Variants in PTPRD observed in about 807,000 individuals in gnomAD.
The protein encoded by PTPRD is receptor-type tyrosine-protein phosphatase delta.
In PTPRD, 34 loss-of-function variants were observed where a neutral mutation model predicts 214.5. The observed-to-expected ratio is 0.16, with a 90% CI of 0.12 to 0.21. The LOEUF (loss-of-function observed/expected upper bound fraction) is 0.21. Among genes scored for constraint, PTPRD ranks in the 10% least tolerant of loss-of-function variants. PTPRD has a pLI of 1.00. For synonymous variants in PTPRD, 1,128 were observed against 845.7 expected (o/e 1.33, Z -5.79); for missense variants, 2,545 against 2,398.7 (o/e 1.06, Z -1.27).
intron 9 of PTPRD, among the ~76,000 whole-genome samples, chr9:9,366,970 A>C (rs539917355): frequency 1.3e-5 from 2 of 151,600 alleles, no homozygotes. Flanking sequence ...AAAATTACAA[A>C]ATGTCCTGCG....
At chr9:10,033,359 G>A (rs183173322) in intron 4 of PTPRD, among the ~76,000 whole-genome samples, 2 of 151,828 alleles carry the variant, frequency 1.3e-5, no homozygotes, top group African/African-American at 4.8e-5. Context: ...CATAGCTTCA[G>A]ATCTCTTCGT....
intron 5 of PTPRD, among the ~76,000 whole-genome samples, chr9:9,839,311 T>C (rs2057694597): frequency 6.6e-6 from 1 of 152,082 alleles, no homozygotes; most frequent in African/African-American, 2.4e-5. Context: ...CCCCATTGTC[T>C]CAGCCCAAAA....
chr9:9,194,056 T>C (rs1412222345), intron 9 of PTPRD, among the ~76,000 whole-genome samples: 1 of 152,146 alleles, frequency 6.6e-6, no homozygotes, highest in African/African-American at 2.4e-5. Context: ...ATAATCTTTA[T>C]ACTTTAAAAA....
chr9:10,287,610 A>G (rs1345529069), intron 3 of PTPRD, among the ~76,000 whole-genome samples: 2 of 152,068 alleles, frequency 1.3e-5, no homozygotes, highest in African/African-American at 2.4e-5. Flanking sequence ...CAATAACACA[A>G]GCTCAACCAG....
intron 7 of PTPRD, among the ~76,000 whole-genome samples, chr9:9,576,688 T>C (rs772870897): frequency 6.6e-6 from 1 of 152,182 alleles, no homozygotes; most frequent in Non-Finnish European, 1.5e-5. Flanking sequence ...AATATTACCA[T>C]TGTAGAATAA....
At chr9:9,218,829 A>G (rs1341926307) in intron 9 of PTPRD, among the ~76,000 whole-genome samples, 1 of 152,078 alleles carries the variant, frequency 6.6e-6, no homozygotes, top group Non-Finnish European at 1.5e-5. Flanking sequence ...AAAAAACACT[A>G]CCAGACAATC....
chr9:8,684,043 C>A (rs2097614550), intron 12 of PTPRD, among the ~76,000 whole-genome samples: 4 of 152,104 alleles, frequency 2.6e-5, no homozygotes. Flanking sequence ...AGCTACCCAC[C>A]CCTCCTTAGA....
intron 5 of PTPRD, among the ~76,000 whole-genome samples, chr9:9,797,738 C>CG (rs368330953): frequency 0.092 from 13,870 of 150,854 alleles, 760 homozygotes; most frequent in African/African-American, 0.15. Context: ...CCCAGCTACT[C>CG]GGGGGGGGCT....
chr9:10,429,287 G>T (rs940387875), intron 2 of PTPRD, among the ~76,000 whole-genome samples: 2 of 151,822 alleles, frequency 1.3e-5, no homozygotes, highest in African/African-American at 4.8e-5. Flanking sequence ...AGTTCGCAAA[G>T]AAGTAAAAAT....
At chr9:8,719,863 A>C (rs892432380) in intron 12 of PTPRD, among the ~76,000 whole-genome samples, 2 of 136,778 alleles carry the variant, frequency 1.5e-5, no homozygotes, top group African/African-American at 3.1e-5. Context: ...AAAGAAAAAG[A>C]AAAAAAAAAA....
At chr9:8,732,037 T>C (rs1257896899) in intron 12 of PTPRD, among the ~76,000 whole-genome samples, 1 of 152,184 alleles carries the variant, frequency 6.6e-6, no homozygotes, top group Non-Finnish European at 1.5e-5. Context: ...ACAAGGGCCT[T>C]TGTGATTTCT....
chr9:9,024,136 CTT>C (rs894889737), intron 10 of PTPRD, among the ~76,000 whole-genome samples: 12 of 151,574 alleles, frequency 7.9e-5, no homozygotes, highest in Admixed American at 3.3e-4. Context: ...TACCCAGTCT[CTT>C]TTCTATGCAT....
At chr9:10,494,393 C>A (rs979952749) in intron 2 of PTPRD, among the ~76,000 whole-genome samples, 1 of 151,638 alleles carries the variant, frequency 6.6e-6, no homozygotes, top group Non-Finnish European at 1.5e-5. Context: ...ACAATCATAT[C>A]CACATCATTA....
chr9:10,230,369 T>C (rs552879157), intron 3 of PTPRD, among the ~76,000 whole-genome samples: 21 of 152,124 alleles, frequency 1.4e-4, no homozygotes, highest in African/African-American at 5.1e-4. Context: ...CCTGATCTTC[T>C]TAGTCTTTTC....
chr9:9,603,841 CAT>C (rs1491425227), intron 7 of PTPRD, among the ~76,000 whole-genome samples: 1 of 124,538 alleles, frequency 8.0e-6, no homozygotes, highest in Non-Finnish European at 1.8e-5. Flanking sequence ...CTGTGAAATA[CAT>C]TTTTTTTTTT....
At chr9:10,580,732 CACAGAG>C (rs1261305874) in intron 2 of PTPRD, among the ~76,000 whole-genome samples, 2 of 152,146 alleles carry the variant, frequency 1.3e-5, no homozygotes, top group Non-Finnish European at 2.9e-5. Context: ...AACCAGGTCT[CACAGAG>C]ACAAAGTGAT....
chr9:9,717,696 A>G (rs932767526), intron 7 of PTPRD, among the ~76,000 whole-genome samples: 1 of 152,190 alleles, frequency 6.6e-6, no homozygotes, highest in African/African-American at 2.4e-5. Context: ...CAAGTCTTTG[A>G]CAATTTAGGG....
At chr9:10,300,253 C>G (rs1257975780) in intron 3 of PTPRD, among the ~76,000 whole-genome samples, 1 of 152,154 alleles carries the variant, frequency 6.6e-6, no homozygotes, top group Non-Finnish European at 1.5e-5. Flanking sequence ...CAGCTCCGGT[C>G]TTCACAACCC....
At chr9:8,435,180 C>A (rs1214156413) in intron 35 of PTPRD, among the ~76,000 whole-genome samples, 2 of 152,178 alleles carry the variant, frequency 1.3e-5, no homozygotes, top group Non-Finnish European at 2.9e-5. Context: ...GGTTTTCCAG[C>A]ACAGTAACTT....
Sources: allele counts gnomAD v4.1 joint callset (sites outside exome capture counted in the v4.1 genomes callset), GRCh38; gene constraint gnomAD v4.1.1; transcripts MANE v1.5; gene names NCBI Gene and HGNC (gene_info 2026-07-23, HGNC 2026-07-21).